The following VWA5B2 variants were observed in gnomAD, a reference collection of about 807,000 sequenced individuals.
VWA5B2 encodes von Willebrand factor A domain containing 5B2.
Under a neutral mutation model 118.5 loss-of-function variants are expected in VWA5B2, and 93 were observed. The observed-to-expected ratio is 0.79, with a 90% CI of 0.66 to 0.93. The LOEUF is 0.93. VWA5B2 is among the 40% of genes least tolerant of loss of function. The probability of loss-of-function intolerance (pLI) is 0.00; values close to 1 mark genes in which losing one functional copy is unlikely to be tolerated. For synonymous variants in VWA5B2, 708 were observed against 716.3 expected (o/e 0.99, Z 0.19); for missense variants, 1,546 against 1,672.8 (o/e 0.92, Z 1.32).
intron 2 of VWA5B2, 27 bp from the exon 3 acceptor site, chr3:184,230,720 G>A: frequency 8.2e-7 from 1 of 1,217,694 alleles, no homozygotes; most frequent in East Asian, 3.4e-5. Flanking sequence ...GGCAGGGTCC[G>A]ACGCCGCCTC....
At chr3:184,231,701 C>G (rs1717416783) in intron 3 of VWA5B2, among the ~76,000 whole-genome samples, 1 of 152,244 alleles carries the variant, frequency 6.6e-6, no homozygotes, top group Non-Finnish European at 1.5e-5. Context: ...GGGGAAGGGA[C>G]AGAAGCCCAG....
At chr3:184,236,808 A>G in intron 11 of VWA5B2, 59 bp downstream of exon 11, 1 of 1,381,336 alleles carries the variant, frequency 7.2e-7, no homozygotes. Flanking sequence ...CAAGTTACAC[A>G]TCAAGTCTGA....
chr3:184,233,782 C>T lies in VWA5B2; in HGVS notation c.688+49C>T, dbSNP rs1422036238. 8 of 1,539,128 alleles carry T rather than the reference C, an allele frequency of 5.2e-6. No individual in the cohort carries two copies. The highest frequency in any genetic ancestry group is 7.0e-6 in the Non-Finnish European group (8 of 1,141,016). Reference sequence around the variant, plus strand: ...CCTCTTTTCAGATGCCCACTCCACCCAGTGTAGTGACTGGAAGGGAAATAA... The same window carrying T: ...CCTCTTTTCAGATGCCCACTCCACCTAGTGTAGTGACTGGAAGGGAAATAA... On this transcript the variant is annotated intron_variant, in intron 5 of 19. Coordinates refer to ENST00000691901, the MANE Select transcript of VWA5B2 (RefSeq NM_001390846.1). The surrounding 1 kb of genome is among the most constrained non-coding windows in gnomAD (Gnocchi z 5.2).
chr3:184,234,279 C>G lies in VWA5B2; in HGVS notation c.702C>G (p.Pro234=). The G allele has an allele frequency of 6.4e-7, 1 of 1,551,718 alleles. No individual in the cohort carries two copies. The highest frequency in any genetic ancestry group is 8.7e-7 in the Non-Finnish European group (1 of 1,147,002). The change falls in exon 6 of 20, where the codon CCC becomes CCG. Residue 234 remains proline (P), a synonymous_variant. Coordinates refer to ENST00000691901, the MANE Select transcript of VWA5B2 (RefSeq NM_001390846.1). ...TATGTCCCTCAGGCCTGGAGAGCCCCTCTCATGCTCTGCGGGCAGATGCCC... is the reference window on the plus strand; with the variant it reads ...TATGTCCCTCAGGCCTGGAGAGCCCGTCTCATGCTCTGCGGGCAGATGCCC... ...GPCLLAGLES[P]SHALRADAPP... is the part of the protein sequence containing the mutation.
In VWA5B2 at chr3:184,235,258, G is replaced by C. The variant is rs1473725515; in HGVS notation, c.1051G>C (p.Ala351Pro). Reference protein sequence around the residue: ...LSSKPGHLGTATRELLFLLDS... With the variant: ...LSSKPGHLGTPTRELLFLLDS... ...CTCCAAGCCCGGACACCTGGGGACAGCTACTCGGGAGCTACTCTTCCTTTT... is the reference window on the plus strand; with the variant it reads ...CTCCAAGCCCGGACACCTGGGGACACCTACTCGGGAGCTACTCTTCCTTTT... Residue 351 changes from alanine to proline, a missense_variant, in exon 8 of 20, where the codon GCT (alanine) becomes CCT (proline). Around this residue, in one of 3 missense-constraint regions of VWA5B2, gnomAD observed 775 missense variants for 882.3 expected, o/e 0.88. Transcript: ENST00000691901. 1.3e-6 allele frequency: 2 copies of C among 1,551,622 alleles called. No individual in the cohort carries two copies. The highest frequency in any genetic ancestry group is 1.7e-4 in the Middle Eastern group (1 of 5,988).
intron 16 of VWA5B2, among the ~76,000 whole-genome samples, 197 bp downstream of exon 16, chr3:184,240,233 T>G (rs1718433977): frequency 6.6e-6 from 1 of 152,064 alleles, no homozygotes; most frequent in Non-Finnish European, 1.5e-5. Flanking sequence ...GAGGTTATAT[T>G]AAAGGTGCAT....
In VWA5B2 at chr3:184,241,226, A is replaced by G; in HGVS notation, c.3002A>G (p.Asp1001Gly). ...TCTCCAGCAGGCGCCTGGGACTCGGACCAAAATGGCAACTCCAAGCGTGCT... is the reference window on the plus strand; with the variant it reads ...TCTCCAGCAGGCGCCTGGGACTCGGGCCAAAATGGCAACTCCAAGCGTGCT... ...RGSPAGAWDS[D>G]QNGNSKRALG... is the part of the protein sequence containing the mutation. Residue 1001 changes from aspartate (D) to glycine (G), a missense_variant, in exon 19 of 20, where the codon GAC (aspartate) becomes GGC (glycine). This residue lies in a region of VWA5B2 where 763 missense variants were observed against 766.6 expected (regional missense o/e 1.00). Transcript: ENST00000691901. The surrounding 1 kb of genome is among the most constrained non-coding windows in gnomAD (Gnocchi z 5.1). 1.3e-6 allele frequency: 2 copies of G among 1,550,920 alleles called. No individual in the cohort carries two copies. Among genetic ancestry groups the G allele is most frequent in the Non-Finnish European group, 8.7e-7 (1 of 1,146,706 alleles).
Position 184,233,609 on chromosome 3 carries a change from G to A in VWA5B2, c.564G>A (p.Gln188=). ...GCTGCTTCGGGGTGGGCAGCCTTCAGGAGGAAGGGCTGGCCTGGGAGGAGC... is the reference window on the plus strand; with the variant it reads ...GCTGCTTCGGGGTGGGCAGCCTTCAAGAGGAAGGGCTGGCCTGGGAGGAGC... ...PTSCFGVGSL[Q]EEGLAWEELA... is the part of the protein sequence containing the mutation. Residue 188 remains glutamine, a synonymous_variant, in exon 5 of 20, where the codon CAG becomes CAA. Coordinates refer to ENST00000691901, the MANE Select transcript of VWA5B2 (RefSeq NM_001390846.1). The surrounding 1 kb of genome is among the most constrained non-coding windows in gnomAD (Gnocchi z 5.2). 6.4e-7 allele frequency: 1 copy of A among 1,551,192 alleles called. No individual in the cohort carries two copies.
At chr3:184,235,391 C>G in intron 8 of VWA5B2, 83 bp downstream of exon 8, 1 of 1,419,886 alleles carries the variant, frequency 7.0e-7, no homozygotes, top group Non-Finnish European at 9.5e-7. Context: ...CCTCTTGAAG[C>G]CAGGAGTTAC....
rs888479027 is a variant in VWA5B2 at position 184,239,497 on chromosome 3, G to A, written c.2306G>A (p.Arg769Gln). Residue 769 changes from arginine (R) to glutamine (Q), a missense_variant, in exon 15 of 20, where the codon CGA becomes CAA. This residue lies in a region of VWA5B2 where 763 missense variants were observed against 766.6 expected (regional missense o/e 1.00). Coordinates refer to ENST00000691901, the MANE Select transcript of VWA5B2 (RefSeq NM_001390846.1). This position sits in a 1 kb window ranked among gnomAD's most constrained non-coding sequence, Gnocchi z 5.1. ...PPGRANQVPGRPRKPSLGAIL... is the reference protein window; with the variant it reads ...PPGRANQVPGQPRKPSLGAIL... ...GGCCGGGCAAACCAAGTCCCCGGCC[G>A]ACCCCGGAAACCCTCTTTGGGTGCA... is the stretch of plus-strand genomic sequence containing the variant. The A allele has an allele frequency of 4.3e-5, 66 of 1,549,744 alleles. No individual in the cohort carries two copies. Among genetic ancestry groups the A allele is most frequent in the Non-Finnish European group, 4.6e-5 (53 of 1,146,446 alleles).
Sources: allele counts gnomAD v4.1 joint callset (sites outside exome capture counted in the v4.1 genomes callset), GRCh38; gene constraint gnomAD v4.1.1; regional missense constraint gnomAD v4.1.1; non-coding constraint Gnocchi (gnomAD v3.1); transcripts MANE v1.5; gene names NCBI Gene and HGNC (gene_info 2026-07-23, HGNC 2026-07-21).